TNR: variants seen among roughly 807,000 people sequenced by gnomAD.
TNR encodes the protein tenascin R.
TNR carries 45 observed loss-of-function variants against 150.4 expected under a neutral mutation model. The observed-to-expected ratio is 0.30, with a 90% CI of 0.24 to 0.38. The LOEUF (loss-of-function observed/expected upper bound fraction) is 0.38. TNR is among the 10% of genes least tolerant of loss of function. The probability of loss-of-function intolerance (pLI) is 1.00; values close to 1 mark genes in which losing one functional copy is unlikely to be tolerated. For missense variants in TNR, 1,544 were observed against 1,759.1 expected (o/e 0.88, Z 2.19); for synonymous variants, 687 against 678.4 (o/e 1.01, Z -0.20).
At chr1:175,354,676 C>G (rs1310876944) in intron 17 of TNR, among the ~76,000 whole-genome samples, 153 bp from the exon 18 acceptor site, 1 of 152,174 alleles carries the variant, frequency 6.6e-6, no homozygotes, top group African/African-American at 2.4e-5. Flanking sequence ...GATTACTGCA[C>G]CAATAAGCAG....
At chr1:175,454,135 G>T (rs1319078128) in intron 2 of TNR, among the ~76,000 whole-genome samples, 1 of 152,124 alleles carries the variant, frequency 6.6e-6, no homozygotes, top group Non-Finnish European at 1.5e-5. Flanking sequence ...GTCTCTTGGG[G>T]TTGTTAAAAG....
chr1:175,514,805 C>T lies in TNR; in HGVS notation c.-64+13464G>A, dbSNP rs544285637. On this transcript the variant is annotated intron_variant, in intron 2 of 22. Transcript: ENST00000367674. ...CATGATAAATGCCAGGCGACCACAG[C>T]TCTGTGAAAACCAAATGCAGTGTGC... 7.9e-5 allele frequency among the ~76,000 whole-genome samples: 12 copies of T among 152,346 alleles called. No homozygotes were observed. In the South Asian group the frequency reaches 2.5e-3, roughly 32 times the overall value.
At chr1:175,668,937 C>T (rs1217877521) in intron 1 of TNR, among the ~76,000 whole-genome samples, 1 of 152,160 alleles carries the variant, frequency 6.6e-6, no homozygotes, top group African/African-American at 2.4e-5. Flanking sequence ...TGGGGTGTGG[C>T]AGCCCCACTT....
At chr1:175,674,015 A>T (rs775087309) in intron 1 of TNR, among the ~76,000 whole-genome samples, 1 of 152,188 alleles carries the variant, frequency 6.6e-6, no homozygotes, top group Non-Finnish European at 1.5e-5. Flanking sequence ...CTGTGGAATA[A>T]TAGTGCTGTG....
At chr1:175,437,744 A>G (rs1194831596) in intron 2 of TNR, among the ~76,000 whole-genome samples, 7 of 152,242 alleles carry the variant, frequency 4.6e-5, no homozygotes, top group Admixed American at 2.6e-4. Flanking sequence ...AGAATACTAT[A>G]AACACCTCTA....
intron 18 of TNR, 132 bp from the exon 19 acceptor site, chr1:175,337,811 TC>T: frequency 1.9e-6 from 2 of 1,062,658 alleles, no homozygotes; most frequent in Non-Finnish European, 2.7e-6. Flanking sequence ...TCAACGGAGC[TC>T]AAGGTGTGGG....
At chr1:175,454,206 T>C (rs528348681) in intron 2 of TNR, among the ~76,000 whole-genome samples, 1 of 152,320 alleles carries the variant, frequency 6.6e-6, no homozygotes, top group South Asian at 2.1e-4. Context: ...TCTTCCACGC[T>C]TCTTGCCACA....
chr1:175,680,279 C>G (rs1269963993), intron 1 of TNR, among the ~76,000 whole-genome samples: 1 of 152,160 alleles, frequency 6.6e-6, no homozygotes, highest in Non-Finnish European at 1.5e-5. Flanking sequence ...TTCCCATCTG[C>G]AGCTGAGAGT....
At chr1:175,514,946 C>T (rs1004828658) in intron 2 of TNR, among the ~76,000 whole-genome samples, 1 of 152,052 alleles carries the variant, frequency 6.6e-6, no homozygotes, top group South Asian at 2.1e-4. Context: ...CTCGTCCATG[C>T]TACCCAGTCT....
intron 20 of TNR, among the ~76,000 whole-genome samples, chr1:175,331,074 T>TTCCTTCC (rs1649817987): frequency 6.9e-5 from 7 of 101,282 alleles, no homozygotes; most frequent in African/African-American, 2.6e-4. Context: ...TCTTTCTTTC[T>TTCCTTCC]TTCCTTCTTT....
rs1209651773 is a variant in TNR, at chr1:175,448,797, G to T, written c.-63-42020C>A. On this transcript the variant is annotated intron_variant, in intron 2 of 22. Transcript: ENST00000367674. Reference sequence around the variant, plus strand: ...CCTGTGGTATAGGACTTAGCCTGGGGCTGTTTCTATTCCAAAGGCAGGCAG... The same window carrying T: ...CCTGTGGTATAGGACTTAGCCTGGGTCTGTTTCTATTCCAAAGGCAGGCAG... 2.0e-5 allele frequency among the ~76,000 whole-genome samples: 3 copies of T among 152,220 alleles called. No homozygotes were observed. In the East Asian group the frequency reaches 5.8e-4, roughly 29 times the overall value.
chr1:175,431,866 G>A (rs1436569813), intron 2 of TNR, among the ~76,000 whole-genome samples: 3 of 125,746 alleles, frequency 2.4e-5, no homozygotes, highest in Non-Finnish European at 4.9e-5. Flanking sequence ...GAGGCAGGGG[G>A]CAGGGGGCTG....
intron 1 of TNR, among the ~76,000 whole-genome samples, chr1:175,724,962 T>C (rs931851138): frequency 1.6e-4 from 25 of 152,202 alleles, no homozygotes; most frequent in African/African-American, 5.8e-4. Flanking sequence ...AAGTGTGGCT[T>C]GAGCCCAGGG....
At chr1:175,449,239 G>T (rs188453500) in intron 2 of TNR, among the ~76,000 whole-genome samples, 1 of 152,236 alleles carries the variant, frequency 6.6e-6, no homozygotes, top group African/African-American at 2.4e-5. Flanking sequence ...TTTTTCCCAG[G>T]GCGCTCTGCT....
chr1:175,692,439 G>A lies in TNR; in HGVS notation c.-165+50787C>T, dbSNP rs532642483. On this transcript the variant is annotated intron_variant, in intron 1 of 22. Transcript: ENST00000367674. ...ATGTGTGCGTGGCATCTGCCCTAGCGATGGTTAATATAAGTGGAGAGTGCC... is the reference window on the plus strand; with the variant it reads ...ATGTGTGCGTGGCATCTGCCCTAGCAATGGTTAATATAAGTGGAGAGTGCC... Among the ~76,000 whole-genome samples, 7 of 152,362 alleles carry A rather than the reference G, an allele frequency of 4.6e-5. No homozygotes were observed. In the East Asian group the frequency reaches 5.8e-4, roughly 13 times the overall value.
At position 175,320,327 on chromosome 1, in the gene TNR, G is replaced by A. The variant is rs1648970717; in HGVS notation, c.*3030C>T. Reference sequence around the variant, plus strand: ...CCTTGGGATGAGAGTGGGGCACAGTGTCTTTTAAACATGGTGAAAACTCAT... The same window carrying A: ...CCTTGGGATGAGAGTGGGGCACAGTATCTTTTAAACATGGTGAAAACTCAT... On this transcript the variant is annotated 3_prime_UTR_variant, in exon 23 of 23. Coordinates refer to ENST00000367674, the MANE Select transcript of TNR (RefSeq NM_003285.3). 1 of 152,204 alleles carries A rather than the reference G, an allele frequency of 6.6e-6. No homozygotes were observed. The highest frequency in any genetic ancestry group is 2.1e-4 in the South Asian group (1 of 4,828). 9.4% of individuals were successfully genotyped at this position (152,204 alleles called of 1,614,324 possible).
chr1:175,350,528 T>C (rs1651005892), intron 18 of TNR, among the ~76,000 whole-genome samples: 1 of 152,210 alleles, frequency 6.6e-6, no homozygotes, highest in South Asian at 2.1e-4. Flanking sequence ...TTATAAATAA[T>C]GTATCCATAT....
intron 1 of TNR, among the ~76,000 whole-genome samples, chr1:175,707,787 CT>C (rs1666881209): frequency 6.6e-6 from 1 of 152,026 alleles, no homozygotes; most frequent in Non-Finnish European, 1.5e-5. Flanking sequence ...ACTCAGCAAA[CT>C]CTCTCTCTCA....
At chr1:175,644,510 G>T (rs1222546065) in intron 1 of TNR, among the ~76,000 whole-genome samples, 1 of 152,204 alleles carries the variant, frequency 6.6e-6, no homozygotes, top group Non-Finnish European at 1.5e-5. Flanking sequence ...TAGACCAGTG[G>T]TTAATTCCTC....
Sources: allele counts gnomAD v4.1 joint callset (sites outside exome capture counted in the v4.1 genomes callset), GRCh38; gene constraint gnomAD v4.1.1; transcripts MANE v1.5; gene names NCBI Gene and HGNC (gene_info 2026-07-23, HGNC 2026-07-21).